The following DPY19L1 variants were observed in gnomAD, a reference collection of about 807,000 sequenced individuals.
The protein encoded by DPY19L1 is dpy-19 like C-mannosyltransferase 1.
Under a neutral mutation model 96.9 loss-of-function variants are expected in DPY19L1, and 35 were observed. The observed-to-expected ratio is 0.36, with a 90% CI of 0.28 to 0.48. The LOEUF (loss-of-function observed/expected upper bound fraction) is 0.48. Among genes scored for constraint, DPY19L1 ranks in the 20% least tolerant of loss-of-function variants. DPY19L1 has a pLI of 0.99. For synonymous variants in DPY19L1, 205 were observed against 252.6 expected (o/e 0.81, Z 1.79); for missense variants, 521 against 777.9 (o/e 0.67, Z 3.93).
At chr7:34,993,615 C>A (rs186553187) in intron 6 of DPY19L1, among the ~76,000 whole-genome samples, 72 of 152,032 alleles carry the variant, frequency 4.7e-4, no homozygotes, top group Non-Finnish European at 9.4e-4. Context: ...CCTGCCCCCC[C>A]ACCCAAGAAA....
At chr7:34,989,637 ACAAC>A (rs1350830780) in intron 7 of DPY19L1, among the ~76,000 whole-genome samples, 7 of 113,276 alleles carry the variant, frequency 6.2e-5, no homozygotes, top group Non-Finnish European at 1.4e-4. Context: ...AAAAACAACA[ACAAC>A]AACAAAAAAA....
chr7:34,962,348 A>G (rs1482700765), intron 10 of DPY19L1, among the ~76,000 whole-genome samples: 1 of 152,240 alleles, frequency 6.6e-6, no homozygotes, highest in Non-Finnish European at 1.5e-5. Context: ...CCAATACGAA[A>G]AGGCTACATA....
rs186567063 is a variant in DPY19L1, at chr7:35,007,929, C to T, written c.764+2539G>A. Among the ~76,000 whole-genome samples, 700 of 152,078 alleles carry T rather than the reference C, an allele frequency of 4.6e-3. 5 individuals are homozygous for T. The highest frequency in any genetic ancestry group is 0.016 in the African/African-American group (679 of 41,454). On this transcript the variant is annotated intron_variant, in intron 6 of 21. Coordinates refer to ENST00000638088, the MANE Select transcript of DPY19L1 (RefSeq NM_001366673.1). ...ACTTGCTTTGGAATAGGTTTCAACC[C>T]AGTCAGTTACCAAGGCCTTTCATCA...
At chr7:35,017,851 T>C (rs766312814) in intron 3 of DPY19L1, 31 bp downstream of exon 3, 1 of 1,474,264 alleles carries the variant, frequency 6.8e-7, no homozygotes, top group South Asian at 1.2e-5. Flanking sequence ...ATTCCTAAAG[T>C]ACTATGATGA....
At chr7:35,010,081 T>A (rs1372758553) in intron 6 of DPY19L1, among the ~76,000 whole-genome samples, 6 of 151,974 alleles carry the variant, frequency 3.9e-5, no homozygotes, top group African/African-American at 1.4e-4. Flanking sequence ...TACAAAAAAA[T>A]TAGCTGAGTT....
rs139111544 is a variant in DPY19L1, at chr7:34,957,238, C to T, written c.1179+746G>A. Among the ~76,000 whole-genome samples the T allele has an allele frequency of 6.5e-3, 994 of 152,096 alleles. 11 individuals carry two copies. Among genetic ancestry groups the T allele is most frequent in the African/African-American group, 0.023 (945 of 41,502 alleles). ...TCTCTACTAAAAATACAAAACTAGCCGGGCATGGTGGCACATGCCTGTAAT... is the reference window on the plus strand; with the variant it reads ...TCTCTACTAAAAATACAAAACTAGCTGGGCATGGTGGCACATGCCTGTAAT... On this transcript the variant is annotated intron_variant, in intron 11 of 21. Transcript: ENST00000638088.
chr7:34,940,219 C>G lies in DPY19L1; in HGVS notation c.1798G>C (p.Val600Leu), dbSNP rs904370015. Residue 600 changes from valine to leucine, a missense_variant, in exon 19 of 22, where the codon GTA becomes CTA. Coordinates refer to ENST00000638088, the MANE Select transcript of DPY19L1 (RefSeq NM_001366673.1). ...TGGGGCAAATTGCTGAACTCCCCTA[C>G]AATATTCCACTGGGTTTGCAGATTT... ...SANLQTQWNI[V>L]GEFSNLPQEE... The G allele has an allele frequency of 4.3e-6, 7 of 1,610,420 alleles. No individual in the cohort carries two copies. In the Admixed American group the frequency reaches 1.0e-4, roughly 23 times the overall value.
intron 4 of DPY19L1, among the ~76,000 whole-genome samples, chr7:35,012,753 C>CACAA (rs148671630): frequency 0.26 from 39,670 of 151,704 alleles, 5,350 homozygotes; most frequent in Non-Finnish European, 0.31. Flanking sequence ...AGACATCATA[C>CACAA]ACAAAGCTAA....
chr7:35,010,129 C>T (rs1346375498), intron 6 of DPY19L1, among the ~76,000 whole-genome samples: 5 of 151,080 alleles, frequency 3.3e-5, no homozygotes, highest in African/African-American at 4.8e-5. Flanking sequence ...ACTCAGGAGG[C>T]TGAAGTGGGA....
At position 35,000,126 on chromosome 7, in the gene DPY19L1, AG is replaced by A. The variant is rs1364481678; in HGVS notation, c.765-10186del. 5.3e-5 allele frequency among the ~76,000 whole-genome samples: 8 copies of A among 152,358 alleles called. No homozygotes were observed. In the East Asian group the frequency reaches 5.8e-4, roughly 11 times the overall value. ...CATACCCATTGTAGAGCACATTAAT[AG>A]AAAGAAAGTTGTTCAATTAACTTAC... is the stretch of plus-strand genomic sequence containing the variant. On this transcript the variant is annotated intron_variant, in intron 6 of 21. Transcript: ENST00000638088.
intron 10 of DPY19L1, among the ~76,000 whole-genome samples, chr7:34,959,758 A>C (rs541042797): frequency 2.3e-4 from 35 of 151,784 alleles, no homozygotes; most frequent in African/African-American, 7.7e-4. Flanking sequence ...AGAAATACCT[A>C]ATGTAGATGA....
Position 35,010,528 on chromosome 7 carries a change from A to T in DPY19L1, c.704T>A (p.Val235Glu), listed in dbSNP as rs752377478. The T allele has an allele frequency of 6.2e-7, 1 of 1,610,002 alleles. No homozygotes were observed. The highest frequency in any genetic ancestry group is 1.1e-5 in the South Asian group (1 of 90,594). Residue 235 changes from valine to glutamate, a missense_variant, in exon 6 of 22, where the codon GTA (valine) becomes GAA (glutamate). Transcript: ENST00000638088. ...LGDPACFYVA[V>E]IFILNGLMMA... Reference sequence around the variant, plus strand: ...CATTAGTCCATTTAAAATAAAAATTACAGCAACATAAAAGCAAGCAGGATC... The same window carrying T: ...CATTAGTCCATTTAAAATAAAAATTTCAGCAACATAAAAGCAAGCAGGATC...
chr7:34,973,362 T>C, intron 8 of DPY19L1, 152 bp downstream of exon 8: 1 of 415,846 alleles, frequency 2.4e-6, no homozygotes, highest in Non-Finnish European at 4.2e-6. Flanking sequence ...ATGTTTTTGA[T>C]ACTATTTTTA....
chr7:34,953,940 G>T (rs1784320529), intron 13 of DPY19L1, among the ~76,000 whole-genome samples: 1 of 152,102 alleles, frequency 6.6e-6, no homozygotes, highest in Non-Finnish European at 1.5e-5. Flanking sequence ...AGATTCCTGG[G>T]AAGTCCTAGG....
intron 15 of DPY19L1, among the ~76,000 whole-genome samples, chr7:34,946,546 A>G (rs1329475820): frequency 6.6e-6 from 1 of 152,212 alleles, no homozygotes; most frequent in Non-Finnish European, 1.5e-5. Context: ...TGGATGGCCA[A>G]TGCTTAGTAT....
At chr7:35,012,888 A>T (rs1785747242) in intron 4 of DPY19L1, among the ~76,000 whole-genome samples, 1 of 146,486 alleles carries the variant, frequency 6.8e-6, no homozygotes, top group African/African-American at 2.4e-5. Flanking sequence ...AATTATTTTT[A>T]AAAGTAAAAA....
At chr7:34,951,239 C>T (rs1201820087) in intron 13 of DPY19L1, among the ~76,000 whole-genome samples, 3 of 151,940 alleles carry the variant, frequency 2.0e-5, no homozygotes, top group African/African-American at 4.8e-5. Context: ...TTAAACACTG[C>T]CTCCTTGAAT....
rs149379701 is a variant in DPY19L1, at chr7:35,017,131, T to C, written c.411+751A>G. On this transcript the variant is annotated intron_variant, in intron 3 of 21. Transcript: ENST00000638088. ...GTTTTGTGCCATAGTTAAAACAAAGTCTTATCTTTAGAGACACTTATGAAA... is the reference window on the plus strand; with the variant it reads ...GTTTTGTGCCATAGTTAAAACAAAGCCTTATCTTTAGAGACACTTATGAAA... Among the ~76,000 whole-genome samples the C allele has an allele frequency of 5.8e-3, 886 of 152,138 alleles. 10 individuals carry two copies. Among genetic ancestry groups the C allele is most frequent in the African/African-American group, 0.02 (825 of 41,512 alleles).
At chr7:34,973,170 A>G (rs1376419155) in intron 8 of DPY19L1, among the ~76,000 whole-genome samples, 2 of 152,132 alleles carry the variant, frequency 1.3e-5, no homozygotes, top group Non-Finnish European at 1.5e-5. Context: ...ATCTTACAGG[A>G]TACACTATAG....
Sources: gnomAD v4.1 joint callset for allele counts (sites outside exome capture counted in the v4.1 genomes callset) on GRCh38, gnomAD v4.1.1 for gene constraint, MANE v1.5 for transcripts, NCBI Gene and HGNC (gene_info 2026-07-23, HGNC 2026-07-21) for gene names.